The following KIF21B variants were observed in gnomAD, a reference collection of about 807,000 sequenced individuals.
KIF21B encodes the protein kinesin-like protein KIF21B.
KIF21B carries 85 observed loss-of-function variants against 192.9 expected under a neutral mutation model. The ratio of observed to expected loss-of-function variants is 0.44; its 90% CI spans 0.37 to 0.53. The LOEUF (loss-of-function observed/expected upper bound fraction) is 0.53, where lower values mean the gene tolerates loss of function less well. Among genes scored for constraint, KIF21B ranks in the 20% least tolerant of loss-of-function variants. KIF21B has a pLI of 0.00. For synonymous variants in KIF21B, 832 were observed against 884.6 expected, an observed-to-expected ratio of 0.94 and a Z score of 1.05; for missense variants, 1,716 against 2,194.8, an observed-to-expected ratio of 0.78 and a Z score of 4.36.
At chr1:200,986,683 G>T (rs1481197576) in intron 26 of KIF21B, among the ~76,000 whole-genome samples, 161 bp downstream of exon 26, 1 of 152,142 alleles carries the variant, frequency 6.6e-6, no homozygotes, top group Admixed American at 6.5e-5. Flanking sequence ...CACCTGACAG[G>T]GTGGGGAAGG....
intron 30 of KIF21B, among the ~76,000 whole-genome samples, chr1:200,978,160 C>T (rs1655684185): frequency 6.6e-6 from 1 of 152,024 alleles, no homozygotes; most frequent in African/African-American, 2.4e-5. Context: ...AGCAATTCTC[C>T]TGCCTCAGCC....
chr1:200,990,133 G>A lies in KIF21B; in HGVS notation c.3030+5C>T. On this transcript the variant is annotated splice_donor_5th_base_variant and intron_variant, in intron 20 of 34. Transcript: ENST00000461742. This position sits in a 1 kb window ranked among gnomAD's most constrained non-coding sequence, Gnocchi z 5.4. Reference sequence around the variant, plus strand: ...CCGCCCCAGCAGGCCCAGCCCTGCGGATACCTTGGTCTCCTCCAGCTGCAC... The same window carrying A: ...CCGCCCCAGCAGGCCCAGCCCTGCGAATACCTTGGTCTCCTCCAGCTGCAC... The A allele has an allele frequency of 1.2e-6, 2 of 1,612,318 alleles. No individual in the cohort carries two copies. Among genetic ancestry groups the A allele is most frequent in the Non-Finnish European group, 1.7e-6 (2 of 1,178,618 alleles).
At chr1:200,981,120 G>T (rs1473118884) in intron 28 of KIF21B, 24 bp from the exon 29 acceptor site, 1 of 1,570,956 alleles carries the variant, frequency 6.4e-7, no homozygotes, top group Non-Finnish European at 8.6e-7. Flanking sequence ...AGGGAGAGAA[G>T]GCATGCTCGT....
intron 6 of KIF21B, 109 bp from the exon 7 acceptor site, chr1:201,004,564 C>G (rs1255711523): frequency 1.7e-6 from 2 of 1,157,446 alleles, no homozygotes; most frequent in African/African-American, 1.5e-5. Context: ...CCCAGCAGCC[C>G]TCTTGCTCCT....
chr1:200,974,806 C>T lies in KIF21B; in HGVS notation c.4722G>A (p.Val1574=). The change falls in exon 34 of 35, where the codon GTG becomes GTA. Residue 1574 remains valine (V), a synonymous_variant. Transcript: ENST00000461742. The stretch of plus-strand genomic sequence containing the variant: ...TCTCACCGATGGGTGTGAAGTTGTC[C>T]ACGTTCCAGACCTTGATGACACCCG... ...CRAGVIKVWN[V]DNFTPIGEIK... is the part of the protein sequence containing the mutation. 6.2e-7 allele frequency: 1 copy of T among 1,614,252 alleles called. No individual in the cohort carries two copies. The highest frequency in any genetic ancestry group is 8.5e-7 in the Non-Finnish European group (1 of 1,180,036).
intron 34 of KIF21B, chr1:200,973,868 AC>A: frequency 4.2e-6 from 6 of 1,445,544 alleles, no homozygotes; most frequent in Non-Finnish European, 5.4e-6. Flanking sequence ...GCTCCCTGGC[AC>A]CCATCTCCTG....
At position 201,002,310 on chromosome 1, in the gene KIF21B, C is replaced by T. The variant is rs1571951529; in HGVS notation, c.1253G>A (p.Ser418Asn). Residue 418 changes from serine to asparagine, a missense_variant, in exon 9 of 35, where the codon AGT becomes AAT. Coordinates refer to ENST00000461742, the MANE Select transcript of KIF21B (RefSeq NM_001252102.2). ...CATGGCATTCTCTCGGAACAGATCA[C>T]TATAGCCCTCAGCGCCATCCTCTCC... ...VIGEDGAEGY[S>N]DLFRENAMLQ... 1 of 1,614,228 alleles carries T rather than the reference C, an allele frequency of 6.2e-7. No homozygotes were observed. Among genetic ancestry groups the T allele is most frequent in the Non-Finnish European group, 8.5e-7 (1 of 1,180,026 alleles).
chr1:201,015,638 T>C (rs1015417613), intron 1 of KIF21B, among the ~76,000 whole-genome samples: 16 of 152,146 alleles, frequency 1.1e-4, no homozygotes, highest in Middle Eastern at 3.2e-3. Flanking sequence ...TGCTGTATCC[T>C]CTGTGGCGGA....
chr1:201,023,539 G>A lies in KIF21B; in HGVS notation c.-156C>T. On this transcript the variant is annotated 5_prime_UTR_variant, in exon 1 of 35. Transcript: ENST00000461742. The surrounding 1 kb of genome is among the most constrained non-coding windows in gnomAD (Gnocchi z 5.9). ...GGAGGTGACATGCTCGCGGGCGGCA[G>A]GCCGAGGGGCTCACCCGCGGCCGGC... The A allele has an allele frequency of 4.0e-6, 1 of 250,950 alleles. No homozygotes were observed. Among genetic ancestry groups the A allele is most frequent in the East Asian group, 1.1e-4 (1 of 8,984 alleles). The allele number at this position is 250,950 out of a possible 1,614,324, so 15.5% of individuals were successfully genotyped here.
Position 200,973,138 on chromosome 1 carries a change from A to C in KIF21B, c.*383T>G, listed in dbSNP as rs138807283. 3 of 195,922 alleles carry C rather than the reference A, an allele frequency of 1.5e-5. No individual in the cohort carries two copies. Among genetic ancestry groups the C allele is most frequent in the Non-Finnish European group, 1.0e-5 (1 of 97,084 alleles). 12.1% of individuals were successfully genotyped at this position (195,922 alleles called of 1,614,324 possible). On this transcript the variant is annotated 3_prime_UTR_variant, in exon 35 of 35. Coordinates refer to ENST00000461742, the MANE Select transcript of KIF21B (RefSeq NM_001252102.2). ...GAAGCGGGGAGGCCAGCTCCTCGGA[A>C]GGGTGGGATGGGGCCAGGCTGCTGC...
chr1:200,990,470 G>A lies in KIF21B; in HGVS notation c.2835+106C>T. ...CTGGATTCCAGAGCAGGCAAAAGGAGCAGAGGGAAGTGGGGCAGGGAAAGG... is the reference window on the plus strand; with the variant it reads ...CTGGATTCCAGAGCAGGCAAAAGGAACAGAGGGAAGTGGGGCAGGGAAAGG... On this transcript the variant is annotated intron_variant, in intron 19 of 34. Coordinates refer to ENST00000461742, the MANE Select transcript of KIF21B (RefSeq NM_001252102.2). The surrounding 1 kb of genome is among the most constrained non-coding windows in gnomAD (Gnocchi z 5.4). 6.7e-7 allele frequency: 1 copy of A among 1,492,582 alleles called. No homozygotes were observed. Among genetic ancestry groups the A allele is most frequent in the Non-Finnish European group, 9.1e-7 (1 of 1,093,906 alleles). The allele number at this position is 1,492,582 out of a possible 1,614,324, so 92.5% of individuals were successfully genotyped here. A position where few individuals can be genotyped will look rare whatever the true frequency, so the allele number is the denominator to read the frequency against.
At chr1:201,018,584 TC>T (rs1214214672) in intron 1 of KIF21B, among the ~76,000 whole-genome samples, 5 of 152,210 alleles carry the variant, frequency 3.3e-5, no homozygotes, top group African/African-American at 1.2e-4. Context: ...AATTAGCACC[TC>T]AATTAGGAGG....
chr1:200,975,630 G>C lies in KIF21B; in HGVS notation c.4483C>G (p.Pro1495Ala), dbSNP rs1571907320. 2 of 1,613,692 alleles carry C rather than the reference G, an allele frequency of 1.2e-6. No homozygotes were observed. Among genetic ancestry groups the C allele is most frequent in the Middle Eastern group, 3.3e-4 (2 of 6,052 alleles). The change falls in exon 33 of 35, where the codon CCC becomes GCC. Residue 1495 changes from proline to alanine, a missense_variant. By Grantham distance (27) the Pro-to-Ala change is conservative. This residue lies in a region of KIF21B where 580 missense variants were observed against 775.5 expected (regional missense o/e 0.75). Coordinates refer to ENST00000461742, the MANE Select transcript of KIF21B (RefSeq NM_001252102.2). The surrounding 1 kb of genome is among the most constrained non-coding windows in gnomAD (Gnocchi z 4.3). ...TGCGGGGGCTCGAAGTTGTGAGTGG[G>C]GCCGATGGTGCCCGTCACACACTCG... ...LGECVTGTIGPTHNFEPPHYD... is the reference protein window; with the variant it reads ...LGECVTGTIGATHNFEPPHYD...
At chr1:200,992,939 G>C (rs901192880) in intron 15 of KIF21B, among the ~76,000 whole-genome samples, 1 of 152,220 alleles carries the variant, frequency 6.6e-6, no homozygotes, top group African/African-American at 2.4e-5. Flanking sequence ...TTACAAACAA[G>C]GAAATGAGCC....
chr1:201,004,262 G>A (rs144255455), intron 7 of KIF21B, 78 bp downstream of exon 7: 149 of 1,226,894 alleles, frequency 1.2e-4, no homozygotes, highest in Non-Finnish European at 1.6e-4. Flanking sequence ...GCAGGCTTGC[G>A]CCATACCCAC....
intron 5 of KIF21B, 85 bp from the exon 6 acceptor site, chr1:201,005,018 C>T (rs1657721977): frequency 1.4e-6 from 2 of 1,462,986 alleles, no homozygotes; most frequent in African/African-American, 1.4e-5. Flanking sequence ...CCGGGAGAGG[C>T]ACGGTGGACG....
rs1214095805 is a variant in KIF21B, at chr1:200,987,306, C to T, written c.3409-105G>A. 3.1e-5 allele frequency: 31 copies of T among 1,007,092 alleles called. No homozygotes were observed. In the East Asian group the frequency reaches 7.8e-4, roughly 25 times the overall value. The allele number at this position is 1,007,092 out of a possible 1,614,324, so 62.4% of individuals were successfully genotyped here. ...TTTTTTTTTGAGACAGTGGTGCAAA[C>T]ATGGCTCACTGCAGCCTCAACTTCC... On this transcript the variant is annotated intron_variant, in intron 24 of 34. Coordinates refer to ENST00000461742, the MANE Select transcript of KIF21B (RefSeq NM_001252102.2).
At position 200,975,434 on chromosome 1, in the gene KIF21B, G is replaced by A. The variant is rs189774143; in HGVS notation, c.4614+65C>T. On this transcript the variant is annotated intron_variant, in intron 33 of 34. Coordinates refer to ENST00000461742, the MANE Select transcript of KIF21B (RefSeq NM_001252102.2). This position sits in a 1 kb window ranked among gnomAD's most constrained non-coding sequence, Gnocchi z 4.3. ...GAGTCCAGGTCCCAGGGTCTCCAAG[G>A]CCCTGCGTGGGCTATGGAAACCACC... is the stretch of plus-strand genomic sequence containing the variant. The A allele has an allele frequency of 1.7e-3, 2,525 of 1,474,984 alleles. 83 individuals are homozygous for A. The Admixed American group carries it at 0.043, about 25-fold the overall frequency. The allele number at this position is 1,474,984 out of a possible 1,614,324, so 91.4% of individuals were successfully genotyped here. A position where few individuals can be genotyped will look rare whatever the true frequency, so the allele number is the denominator to read the frequency against.
Position 201,005,547 on chromosome 1 carries a change from C to A in KIF21B, c.595G>T (p.Glu199Ter). 1 of 1,612,576 alleles carries A rather than the reference C, an allele frequency of 6.2e-7. No homozygotes were observed. Among genetic ancestry groups the A allele is most frequent in the Non-Finnish European group, 8.5e-7 (1 of 1,178,958 alleles). The change falls in exon 4 of 35, where the codon GAG (glutamate) becomes TAG (stop). Residue 199 changes from glutamate to a stop codon, truncating the protein, a stop_gained and splice_region_variant. Coordinates refer to ENST00000461742, the MANE Select transcript of KIF21B (RefSeq NM_001252102.2). LOFTEE classifies it high-confidence loss of function. Reference sequence around the variant, plus strand: ...CCAGACCTCCAGCAGAGGCTCACCTCCTCCTGGGAGTGGATGAGGCGAGAA... The same window carrying A: ...CCAGACCTCCAGCAGAGGCTCACCTACTCCTGGGAGTGGATGAGGCGAGAA... ...VTSRLIHSQE[E>*]LIQCLKQGAL...
Sources: allele counts gnomAD v4.1 joint callset (sites outside exome capture counted in the v4.1 genomes callset), GRCh38; gene constraint gnomAD v4.1.1; regional missense constraint gnomAD v4.1.1; non-coding constraint Gnocchi (gnomAD v3.1); transcripts MANE v1.5; gene names NCBI Gene and HGNC (gene_info 2026-07-23, HGNC 2026-07-21).